Variants in TAF4B observed in about 807,000 individuals in gnomAD.
TAF4B encodes transcription initiation factor TFIID subunit 4B.
Under a neutral mutation model 86.4 loss-of-function variants are expected in TAF4B, and 38 were observed. The ratio of observed to expected loss-of-function variants is 0.44; its 90% CI spans 0.34 to 0.58. The LOEUF (loss-of-function observed/expected upper bound fraction) is 0.58, where lower values mean the gene tolerates loss of function less well. Ranked by LOEUF, TAF4B falls within the 20% of genes least tolerant of loss-of-function variation. The pLI is 0.02. For synonymous variants in TAF4B, 388 were observed against 391.2 expected (o/e 0.99, Z 0.10); for missense variants, 988 against 1,027.6 (o/e 0.96, Z 0.53).
At chr18:26,284,275 C>A (rs977382199) in intron 6 of TAF4B, among the ~76,000 whole-genome samples, 1 of 152,200 alleles carries the variant, frequency 6.6e-6, no homozygotes, top group Non-Finnish European at 1.5e-5. Context: ...CTGGTTTAGA[C>A]TTTTGCTTAA....
rs141734207 is a variant in TAF4B, at chr18:26,235,891, T to G, written c.343+8615T>G. Among the ~76,000 whole-genome samples the G allele has an allele frequency of 6.4e-3, 971 of 152,356 alleles. 7 individuals are homozygous for G. The highest frequency in any genetic ancestry group is 0.011 in the Admixed American group (169 of 15,306). On this transcript the variant is annotated intron_variant, in intron 1 of 14. Coordinates refer to ENST00000269142, the MANE Select transcript of TAF4B (RefSeq NM_005640.3). ...GTCTCCACTGACTGTTTGGTTTTTG[T>G]ACTCCTAGAATTGGGGTGTTGCAGG...
At chr18:26,291,624 T>G (rs2056594291) in intron 7 of TAF4B, among the ~76,000 whole-genome samples, 1 of 150,698 alleles carries the variant, frequency 6.6e-6, no homozygotes, top group Non-Finnish European at 1.5e-5. Flanking sequence ...TGAGAATCGC[T>G]TGAACCTGGG....
rs1396032135 is a variant in TAF4B at position 26,274,788 on chromosome 18, A to G, written c.723A>G (p.Ala241=). The change falls in exon 4 of 15, where the codon GCA becomes GCG. Residue 241 remains alanine (A), a synonymous_variant. Coordinates refer to ENST00000269142, the MANE Select transcript of TAF4B (RefSeq NM_005640.3). The part of the protein sequence containing the change: ...STPSNEPNLK[A]ENSAAVQINL... ...CTTCAAATGAGCCCAATCTTAAAGCAGAGAACTCAGCAGCTGTTCAGATTA... is the reference window on the plus strand; with the variant it reads ...CTTCAAATGAGCCCAATCTTAAAGCGGAGAACTCAGCAGCTGTTCAGATTA... 3.1e-6 allele frequency: 5 copies of G among 1,614,104 alleles called. No individual in the cohort carries two copies. Among genetic ancestry groups the G allele is most frequent in the African/African-American group, 2.7e-5 (2 of 74,946 alleles).
intron 1 of TAF4B, among the ~76,000 whole-genome samples, chr18:26,262,508 T>C (rs966155838): frequency 6.6e-6 from 1 of 151,614 alleles, no homozygotes; most frequent in Non-Finnish European, 1.5e-5. Context: ...AGAATCTCTC[T>C]GTGTTGCCCA....
chr18:26,351,948 G>C (rs1222344127), intron 13 of TAF4B, among the ~76,000 whole-genome samples: 2 of 152,062 alleles, frequency 1.3e-5, no homozygotes, highest in African/African-American at 4.8e-5. Flanking sequence ...ACTTGAAGTG[G>C]TAAAATATTG....
chr18:26,239,675 T>G (rs2055805375), intron 1 of TAF4B, among the ~76,000 whole-genome samples: 1 of 152,376 alleles, frequency 6.6e-6, no homozygotes, highest in South Asian at 2.1e-4. Context: ...GCCTATGTCC[T>G]GAATGGTATT....
At chr18:26,261,212 C>G (rs562451940) in intron 1 of TAF4B, among the ~76,000 whole-genome samples, 1 of 117,178 alleles carries the variant, frequency 8.5e-6, no homozygotes, top group African/African-American at 3.1e-5. Context: ...GACGGAGTCT[C>G]GCTCTGTCGC....
At chr18:26,241,626 A>G (rs2055840747) in intron 1 of TAF4B, among the ~76,000 whole-genome samples, 2 of 151,992 alleles carry the variant, frequency 1.3e-5, no homozygotes, top group African/African-American at 2.4e-5. Flanking sequence ...GCCTTCTGCT[A>G]GCTTTTGAAT....
chr18:26,390,279 A>G lies in TAF4B; in HGVS notation c.*267A>G, dbSNP rs955122993. ...CCTATCTGTGCATTAAATTAAAGCA[A>G]GTTAAGGCCCTATTTGTTACTACCT... On this transcript the variant is annotated 3_prime_UTR_variant, in exon 15 of 15. Transcript: ENST00000269142. 1.8e-5 allele frequency: 6 copies of G among 329,696 alleles called. No individual in the cohort carries two copies. The highest frequency in any genetic ancestry group is 3.3e-5 in the Non-Finnish European group (6 of 183,866). 20.4% of individuals were successfully genotyped at this position (329,696 alleles called of 1,614,324 possible). A position where few individuals can be genotyped will look rare whatever the true frequency, so the allele number is the denominator to read the frequency against.
At chr18:26,227,809 G>C (rs1454859348) in intron 1 of TAF4B, among the ~76,000 whole-genome samples, 1 of 152,190 alleles carries the variant, frequency 6.6e-6, no homozygotes, top group Non-Finnish European at 1.5e-5. Flanking sequence ...GAGCCACCGC[G>C]TACGGCCTAA....
intron 12 of TAF4B, among the ~76,000 whole-genome samples, chr18:26,333,076 A>G (rs781593434): frequency 6.6e-6 from 1 of 151,822 alleles, no homozygotes; most frequent in Non-Finnish European, 1.5e-5. Flanking sequence ...ATCTACTCAA[A>G]TATCACTTCT....
intron 1 of TAF4B, among the ~76,000 whole-genome samples, chr18:26,229,477 T>C (rs1029244139): frequency 8.6e-5 from 13 of 150,838 alleles, no homozygotes; most frequent in African/African-American, 2.9e-4. Context: ...CTATTTCTTT[T>C]ATATCTTTCT....
intron 14 of TAF4B, among the ~76,000 whole-genome samples, chr18:26,386,511 A>G (rs1312448066): frequency 6.6e-6 from 1 of 152,206 alleles, no homozygotes; most frequent in African/African-American, 2.4e-5. Context: ...TCATGTAGGC[A>G]GTAGTTAGAT....
chr18:26,342,327 C>T (rs1481143061), intron 13 of TAF4B, among the ~76,000 whole-genome samples: 2 of 152,078 alleles, frequency 1.3e-5, no homozygotes, highest in Admixed American at 1.3e-4. Flanking sequence ...CCCATATTGT[C>T]TATATCATAA....
At chr18:26,258,048 G>T (rs1021077348) in intron 1 of TAF4B, among the ~76,000 whole-genome samples, 2 of 152,134 alleles carry the variant, frequency 1.3e-5, no homozygotes. Context: ...GAGGTCAGGA[G>T]ACTGAGACCA....
At chr18:26,315,147 TC>T in intron 9 of TAF4B, 81 bp from the exon 10 acceptor site, 1 of 324,978 alleles carries the variant, frequency 3.1e-6, no homozygotes, top group Admixed American at 9.0e-5. Flanking sequence ...TCTCTCTCTG[TC>T]TCTCTCTCTC....
chr18:26,370,141 TAAGAA>T (rs552247052), intron 14 of TAF4B, among the ~76,000 whole-genome samples: 232 of 152,284 alleles, frequency 1.5e-3, no homozygotes, highest in African/African-American at 5.3e-3. Flanking sequence ...CTGGAGAACT[TAAGAA>T]AAGGGCTGTA....
At chr18:26,249,477 C>CTCTCA (rs1555672464) in intron 1 of TAF4B, among the ~76,000 whole-genome samples, 1 of 138,824 alleles carries the variant, frequency 7.2e-6, no homozygotes, top group Non-Finnish European at 1.6e-5. Flanking sequence ...CTCTCTCTCT[C>CTCTCA]AAAAAAAAAA....
intron 3 of TAF4B, among the ~76,000 whole-genome samples, chr18:26,268,404 G>A (rs922650893): frequency 6.6e-6 from 1 of 152,162 alleles, no homozygotes; most frequent in Non-Finnish European, 1.5e-5. Flanking sequence ...GGTGGCACCT[G>A]ATATTAATTA....
Sources: gnomAD v4.1 joint callset for allele counts (sites outside exome capture counted in the v4.1 genomes callset) on GRCh38, gnomAD v4.1.1 for gene constraint, MANE v1.5 for transcripts, NCBI Gene and HGNC (gene_info 2026-07-23, HGNC 2026-07-21) for gene names.